JAK3: variants seen among roughly 807,000 people sequenced by gnomAD.
JAK3 encodes tyrosine-protein kinase JAK3.
A neutral mutation model predicts 120.8 loss-of-function variants in JAK3; 88 were observed. The observed-to-expected ratio is 0.73, with a 90% CI of 0.61 to 0.87. The LOEUF (loss-of-function observed/expected upper bound fraction) is 0.87. Ranked by LOEUF, JAK3 falls within the 40% of genes least tolerant of loss-of-function variation. The probability of loss-of-function intolerance (pLI) is 0.00; values close to 1 mark genes in which losing one functional copy is unlikely to be tolerated. For missense variants in JAK3, 1,254 were observed against 1,501.4 expected, an observed-to-expected ratio of 0.84 and a Z score of 2.72; for synonymous variants, 592 against 628.6, an observed-to-expected ratio of 0.94 and a Z score of 0.87.
intron 16 of JAK3, 48 bp from the exon 17 acceptor site, chr19:17,834,769 C>T: frequency 1.2e-6 from 2 of 1,613,976 alleles, no homozygotes; most frequent in Non-Finnish European, 1.7e-6. Flanking sequence ...ATAGACCCAC[C>T]CCAATCTCCC....
At position 17,831,018 on chromosome 19, in the gene JAK3, G is replaced by A. The variant is rs3212779; in HGVS notation, c.2978+210C>T. 0.18 allele frequency among the ~76,000 whole-genome samples: 26,178 copies of A among 147,972 alleles called. 2,643 individuals are homozygous for A. The highest frequency in any genetic ancestry group is 0.27 in the Admixed American group (3,900 of 14,706). On this transcript the variant is annotated intron_variant, in intron 21 of 23. Coordinates refer to ENST00000458235, the MANE Select transcript of JAK3 (RefSeq NM_000215.4). The surrounding 1 kb of genome is among the most constrained non-coding windows in gnomAD (Gnocchi z 5.1). ...CTGAGAGAAGGGCGGGGCTAAGGCT[G>A]GGGGCCGCTGACAGCAGGGCAGCGG...
rs1055862230 is a variant in JAK3, at chr19:17,830,019, A to G, written c.3207+89T>C. ...GCCTCACACTCTAGCCTTTCTTCTC[A>G]GTACAGAGACTCAGGCGCCAGCTGG... On this transcript the variant is annotated intron_variant, in intron 23 of 23. Transcript: ENST00000458235. 1.5e-4 allele frequency: 139 copies of G among 923,066 alleles called. No homozygotes were observed. The East Asian group carries it at 3.6e-3, about 24-fold the overall frequency. 57.2% of individuals were successfully genotyped at this position (923,066 alleles called of 1,614,324 possible). A position where few individuals can be genotyped will look rare whatever the true frequency, so the allele number is the denominator to read the frequency against.
chr19:17,829,709 A>G (rs891845143), intron 23 of JAK3: 3 of 330,650 alleles, frequency 9.1e-6, no homozygotes, highest in Non-Finnish European at 1.7e-5. Flanking sequence ...GCAGTGAGCT[A>G]TAATTGCACC....
At chr19:17,834,521 G>C (rs2094220216) in intron 17 of JAK3, 50 bp downstream of exon 17, 1 of 1,609,708 alleles carries the variant, frequency 6.2e-7, no homozygotes, top group East Asian at 2.2e-5. Context: ...CTTCCACTGG[G>C]CCCAATATGA....
At chr19:17,830,689 ATGGGGAAC>A in intron 21 of JAK3, 69 bp from the exon 22 acceptor site, 2 of 1,246,920 alleles carry the variant, frequency 1.6e-6, no homozygotes, top group Non-Finnish European at 2.4e-6. Flanking sequence ...CAGCCTTGGA[ATGGGGAAC>A]TGGTCAGGGT....
At chr19:17,829,030 T>C (rs2094209042) in intron 23 of JAK3, among the ~76,000 whole-genome samples, 1 of 151,392 alleles carries the variant, frequency 6.6e-6, no homozygotes, top group African/African-American at 2.4e-5. Context: ...CAGTGGCTTA[T>C]GCCTGTAAAT....
chr19:17,829,229 A>G (rs536328067), intron 23 of JAK3, among the ~76,000 whole-genome samples: 1 of 152,182 alleles, frequency 6.6e-6, no homozygotes, highest in South Asian at 2.1e-4. Context: ...CAGTGGCATG[A>G]TCTTGGCTCA....
intron 21 of JAK3, among the ~76,000 whole-genome samples, chr19:17,830,899 CG>C (rs1272641498): frequency 7.4e-4 from 2 of 2,714 alleles, no homozygotes; most frequent in African/African-American, 1.5e-3. Flanking sequence ...CAGAACTGGG[CG>C]GGGGGAAGGG....
rs772519907 is a variant in JAK3 at position 17,841,589 on chromosome 19, C to A, written c.985-43G>T. 10 of 1,610,028 alleles carry A rather than the reference C, an allele frequency of 6.2e-6. No individual in the cohort carries two copies. In the South Asian group the frequency reaches 9.9e-5, roughly 16 times the overall value. On this transcript the variant is annotated intron_variant, in intron 7 of 23. Transcript: ENST00000458235. This position sits in a 1 kb window ranked among gnomAD's most constrained non-coding sequence, Gnocchi z 4.1. ...CAGAGCCCAGTGAAACCCGAGGGTG[C>A]CGGTCCCGCCCTCGGGGTAAGGCTG...
At chr19:17,837,065 G>T (rs924862352) in intron 13 of JAK3, 64 bp downstream of exon 13, 1 of 1,041,546 alleles carries the variant, frequency 9.6e-7, no homozygotes, top group South Asian at 1.3e-5. Flanking sequence ...TCAGAACAGA[G>T]GTGGGAAGAA....
intron 10 of JAK3, 92 bp from the exon 11 acceptor site, chr19:17,838,482 C>T (rs971182095): frequency 1.2e-5 from 18 of 1,452,922 alleles, no homozygotes; most frequent in Admixed American, 7.0e-5. Context: ...GAGGTACCCT[C>T]TAGAAGCCGA....
rs1286735165 is a variant in JAK3 at position 17,841,723 on chromosome 19, T to C, written c.901A>G (p.Ile301Val). Reference protein sequence around the residue: ...PFCDFPEIVDISIKQAPRVGP... With the variant: ...PFCDFPEIVDVSIKQAPRVGP... Reference sequence around the variant, plus strand: ...ACGCGCGGGGCCTGCTTGATGCTAATGTCTACGATTTCTGGAAAGTCGCAG... The same window carrying C: ...ACGCGCGGGGCCTGCTTGATGCTAACGTCTACGATTTCTGGAAAGTCGCAG... Residue 301 changes from isoleucine (I) to valine (V), a missense_variant, in exon 7 of 24, where the codon ATT becomes GTT. Around this residue, in one of 3 missense-constraint regions of JAK3, gnomAD observed 486 missense variants for 503.0 expected, o/e 0.97. Transcript: ENST00000458235. The surrounding 1 kb of genome is among the most constrained non-coding windows in gnomAD (Gnocchi z 4.1). 4 of 1,612,114 alleles carry C rather than the reference T, an allele frequency of 2.5e-6. No individual in the cohort carries two copies. In the East Asian group the frequency reaches 6.7e-5, roughly 27 times the overall value.
At position 17,831,048 on chromosome 19, in the gene JAK3, CAG is replaced by C. The variant is rs942482692; in HGVS notation, c.2978+178_2978+179del. Among the ~76,000 whole-genome samples, 6 of 131,524 alleles carry C rather than the reference CAG, an allele frequency of 4.6e-5. No individual in the cohort carries two copies. Among genetic ancestry groups the C allele is most frequent in the East Asian group, 2.2e-4 (1 of 4,602 alleles). The allele number at this position is 131,524 out of a possible 152,430, so 86.3% of individuals were successfully genotyped here. Reference sequence around the variant, plus strand: ...CCGCTGACAGCAGGGCAGCGGGAGACAGAGGAGCCAGTGCTGTTGAGGGGGCG... The same window carrying C: ...CCGCTGACAGCAGGGCAGCGGGAGACAGGAGCCAGTGCTGTTGAGGGGGCG... On this transcript the variant is annotated intron_variant, in intron 21 of 23. Transcript: ENST00000458235. The surrounding 1 kb of genome is among the most constrained non-coding windows in gnomAD (Gnocchi z 5.1).
intron 2 of JAK3, 143 bp from the exon 3 acceptor site, chr19:17,844,043 C>T: frequency 1.6e-6 from 2 of 1,222,218 alleles, no homozygotes; most frequent in Non-Finnish European, 2.3e-6. Flanking sequence ...TCACACCTCT[C>T]CGTCTGCACA....
At position 17,841,721 on chromosome 19, in the gene JAK3, A is replaced by C. The variant is rs1222393026; in HGVS notation, c.903T>G (p.Ile301Met). Residue 301 changes from isoleucine (I) to methionine (M), a missense_variant, in exon 7 of 24, where the codon ATT becomes ATG. Ile to Met is a conservative substitution (Grantham distance 10). Around this residue, in one of 3 missense-constraint regions of JAK3, gnomAD observed 486 missense variants for 503.0 expected, o/e 0.97. Coordinates refer to ENST00000458235, the MANE Select transcript of JAK3 (RefSeq NM_000215.4). This position sits in a 1 kb window ranked among gnomAD's most constrained non-coding sequence, Gnocchi z 4.1. ...PFCDFPEIVD[I>M]SIKQAPRVGP... ...CAACGCGCGGGGCCTGCTTGATGCT[A>C]ATGTCTACGATTTCTGGAAAGTCGC... The C allele has an allele frequency of 2.5e-6, 4 of 1,612,054 alleles. No individual in the cohort carries two copies. In the African/African-American group the frequency reaches 5.3e-5, roughly 22 times the overall value.
chr19:17,826,935 G>C (rs770880344), intron 23 of JAK3, 25 bp from the exon 24 acceptor site: 1 of 1,601,852 alleles, frequency 6.2e-7, no homozygotes, highest in East Asian at 2.2e-5. Context: ...ACAGATAATG[G>C]GGTCGTGCCT....
rs3212718 is a variant in JAK3, at chr19:17,843,715, C to T, written c.308+62G>A. The T allele has an allele frequency of 4.6e-3, 7,310 of 1,600,618 alleles. 323 individuals are homozygous for T. In the African/African-American group the frequency reaches 0.087, roughly 19 times the overall value. Reference sequence around the variant, plus strand: ...CCTCCCTGGGGCAGGGGTGTGGGCACCTCGAAATGCAAGGAGATGATAAAA... The same window carrying T: ...CCTCCCTGGGGCAGGGGTGTGGGCATCTCGAAATGCAAGGAGATGATAAAA... On this transcript the variant is annotated intron_variant, in intron 3 of 23. Transcript: ENST00000458235. This position sits in a 1 kb window ranked among gnomAD's most constrained non-coding sequence, Gnocchi z 5.4.
intron 2 of JAK3, 112 bp from the exon 3 acceptor site, chr19:17,844,012 A>G: frequency 7.2e-7 from 1 of 1,385,244 alleles, no homozygotes; most frequent in South Asian, 1.3e-5. Flanking sequence ...AGGTATGACC[A>G]GCTGTTCCCT....
In JAK3 at chr19:17,830,169, C is replaced by A. The variant is rs750073941; in HGVS notation, c.3146G>T (p.Arg1049Leu). ...GCERDVPALC[R>L]LLELLEEGQR... ...GCCCTCCTCCAGCAGTTCCAAGAGGCGGCAGAGGGCGGGGACATCCCGCTC... is the reference window on the plus strand; with the variant it reads ...GCCCTCCTCCAGCAGTTCCAAGAGGAGGCAGAGGGCGGGGACATCCCGCTC... Residue 1049 changes from arginine to leucine, a missense_variant, in exon 23 of 24, where the codon CGC becomes CTC. Transcript: ENST00000458235. The A allele has an allele frequency of 6.3e-7, 1 of 1,595,520 alleles. No homozygotes were observed. The highest frequency in any genetic ancestry group is 8.5e-7 in the Non-Finnish European group (1 of 1,172,258).
Sources: gnomAD v4.1 joint callset for allele counts (sites outside exome capture counted in the v4.1 genomes callset) on GRCh38, gnomAD v4.1.1 for gene constraint, gnomAD v4.1.1 regional missense constraint, Gnocchi (gnomAD v3.1) non-coding constraint, MANE v1.5 for transcripts, NCBI Gene and HGNC (gene_info 2026-07-23, HGNC 2026-07-21) for gene names.